Variants in OTOGL observed in about 807,000 individuals in gnomAD.
The protein encoded by OTOGL is otogelin-like protein.
In OTOGL, 285 loss-of-function variants were observed where a neutral mutation model predicts 318.5. The observed-to-expected ratio is 0.89, with a 90% CI of 0.81 to 0.99. OTOGL has a LOEUF of 0.99. Among genes scored for constraint, OTOGL ranks in the 50% least tolerant of loss-of-function variants. OTOGL has a pLI of 0.00. For synonymous variants in OTOGL, 987 were observed against 936.5 expected, an observed-to-expected ratio of 1.05 and a Z score of -0.99; for missense variants, 2,899 against 2,845.6, an observed-to-expected ratio of 1.02 and a Z score of -0.43.
rs1479608974 is a variant in OTOGL at position 80,379,684 on chromosome 12, A to G, written c.*1636A>G. The G allele has an allele frequency of 6.6e-6, 1 of 151,954 alleles. No homozygotes were observed. Among genetic ancestry groups the G allele is most frequent in the African/African-American group, 2.4e-5 (1 of 41,432 alleles). 9.4% of individuals were successfully genotyped at this position (151,954 alleles called of 1,614,324 possible). A position where few individuals can be genotyped will look rare whatever the true frequency, so the allele number is the denominator to read the frequency against. On this transcript the variant is annotated 3_prime_UTR_variant, in exon 59 of 59. Coordinates refer to ENST00000547103, the MANE Select transcript of OTOGL (RefSeq NM_001378609.3). ...AAGTAACTAATGTTGTATATTATCT[A>G]TTGCCCATTTTTATTTCCATTTTCT...
At chr12:80,310,524 A>G (rs745711533) in intron 29 of OTOGL, 87 bp from the exon 30 acceptor site, 21 of 839,902 alleles carry the variant, frequency 2.5e-5, no homozygotes, top group Non-Finnish European at 4.0e-5. Context: ...ATTAGGCGCA[A>G]TTGTAATGAG....
At chr12:80,184,819 G>C (rs1875174541) in intron 1 of OTOGL, among the ~76,000 whole-genome samples, 1 of 152,024 alleles carries the variant, frequency 6.6e-6, no homozygotes, top group Non-Finnish European at 1.5e-5. Context: ...TGACAAAAAG[G>C]GTCAAAAATA....
intron 1 of OTOGL, among the ~76,000 whole-genome samples, chr12:80,199,522 T>C (rs1876313741): frequency 6.6e-6 from 1 of 152,240 alleles, no homozygotes; most frequent in Non-Finnish European, 1.5e-5. Flanking sequence ...CTATTTCTTC[T>C]GCTTATCAAT....
At position 80,193,018 on chromosome 12, in the gene OTOGL, G is replaced by T. The variant is rs372126143; in HGVS notation, c.-19-16395G>T. ...AAAAAAAACCGAATCAGTTGAATTT[G>T]AGAAAATTGTGGAATTTTTTAGCAA... On this transcript the variant is annotated intron_variant, in intron 1 of 58. Transcript: ENST00000547103. Among the ~76,000 whole-genome samples the T allele has an allele frequency of 6.6e-5, 10 of 151,808 alleles. No individual in the cohort carries two copies. In the South Asian group the frequency reaches 8.3e-4, roughly 13 times the overall value.
At chr12:80,284,359 AG>A (rs1331836044) in intron 26 of OTOGL, among the ~76,000 whole-genome samples, 1 of 152,134 alleles carries the variant, frequency 6.6e-6, no homozygotes, top group African/African-American at 2.4e-5. Context: ...GTGTGTTTAT[AG>A]TAGAATAATT....
At position 80,356,881 on chromosome 12, in the gene OTOGL, C is replaced by G; in HGVS notation, c.5986C>G (p.Gln1996Glu). 1 of 1,595,644 alleles carries G rather than the reference C, an allele frequency of 6.3e-7. No individual in the cohort carries two copies. The highest frequency in any genetic ancestry group is 1.4e-5 in the African/African-American group (1 of 74,024). Residue 1996 changes from glutamine to glutamate, a missense_variant, in exon 49 of 59, where the codon CAG becomes GAG. By Grantham distance (29) the Gln-to-Glu change is conservative (BLOSUM62 2). Transcript: ENST00000547103. Reference sequence around the variant, plus strand: ...AGATCAATTCATGATTCAAGTTCGACAGGAAGAACCTTGTTGTTTTTCCCC... The same window carrying G: ...AGATCAATTCATGATTCAAGTTCGAGAGGAAGAACCTTGTTGTTTTTCCCC... ...REDQFMIQVRQEEPCCFSPFC... is the reference protein window; with the variant it reads ...REDQFMIQVREEEPCCFSPFC...
In OTOGL at chr12:80,122,009, A is replaced by G. The variant is rs140060601; in HGVS notation, c.-20+22404A>G. On this transcript the variant is annotated intron_variant, in intron 1 of 58. Coordinates refer to ENST00000547103, the MANE Select transcript of OTOGL (RefSeq NM_001378609.3). The stretch of plus-strand genomic sequence containing the variant: ...AAAGAGATGAGTGCAAAATCATCAT[A>G]TGGCCAATATAAATAATTCAAGCAC... Among the ~76,000 whole-genome samples, 16 of 152,240 alleles carry G rather than the reference A, an allele frequency of 1.1e-4. No individual in the cohort carries two copies. The East Asian group carries it at 3.1e-3, about 29-fold the overall frequency.
chr12:80,247,635 A>G (rs1390134109), intron 11 of OTOGL, among the ~76,000 whole-genome samples: 2 of 68,220 alleles, frequency 2.9e-5, no homozygotes, highest in South Asian at 5.4e-4. Flanking sequence ...AAAAATGTAT[A>G]TTCTGTTGAT....
At chr12:80,173,385 G>GATCACATAA (rs1001939955) in intron 1 of OTOGL, among the ~76,000 whole-genome samples, 1 of 152,108 alleles carries the variant, frequency 6.6e-6, no homozygotes, top group Non-Finnish European at 1.5e-5. Flanking sequence ...CCCTTTTTTA[G>GATCACATAA]ATCACATAGG....
At chr12:80,305,731 A>G in intron 29 of OTOGL, 36 bp downstream of exon 29, 1 of 1,393,092 alleles carries the variant, frequency 7.2e-7, no homozygotes, top group South Asian at 1.7e-5. Flanking sequence ...AGTCAACAAA[A>G]ATTTTTAAGA....
chr12:80,372,644 C>A (rs1191885372), intron 57 of OTOGL, among the ~76,000 whole-genome samples: 2 of 151,516 alleles, frequency 1.3e-5, no homozygotes, highest in Non-Finnish European at 2.9e-5. Context: ...TATCTGAATG[C>A]AATATATTTT....
At chr12:80,127,342 T>C (rs1870918142) in intron 1 of OTOGL, among the ~76,000 whole-genome samples, 1 of 152,268 alleles carries the variant, frequency 6.6e-6, no homozygotes, top group African/African-American at 2.4e-5. Flanking sequence ...TTGCAAATTC[T>C]TTTCTTTAAG....
chr12:80,144,825 CAT>C (rs1872226109), intron 1 of OTOGL, among the ~76,000 whole-genome samples: 2 of 152,220 alleles, frequency 1.3e-5, no homozygotes, highest in South Asian at 4.1e-4. Context: ...AGCATTTTTT[CAT>C]ATGTTTTTTG....
intron 54 of OTOGL, 22 bp from the exon 55 acceptor site, chr12:80,368,183 A>G: frequency 6.7e-7 from 1 of 1,483,352 alleles, no homozygotes; most frequent in Non-Finnish European, 9.3e-7. Context: ...TGGTGTCGCT[A>G]ATCTAATATC....
chr12:80,159,913 T>TA (rs1873389742), intron 1 of OTOGL, among the ~76,000 whole-genome samples: 1 of 151,886 alleles, frequency 6.6e-6, no homozygotes, highest in Non-Finnish European at 1.5e-5. Flanking sequence ...CATAAACCAA[T>TA]GGAATAGAAT....
chr12:80,105,581 G>A (rs1869409080), intron 1 of OTOGL, among the ~76,000 whole-genome samples: 1 of 152,152 alleles, frequency 6.6e-6, no homozygotes, highest in African/African-American at 2.4e-5. Context: ...CCTGAAGAGT[G>A]AAAATTATTG....
chr12:80,104,359 T>G (rs1323905264), intron 1 of OTOGL, among the ~76,000 whole-genome samples: 3 of 152,236 alleles, frequency 2.0e-5, no homozygotes, highest in African/African-American at 7.2e-5. Context: ...CAACCCTTAT[T>G]GCTCATTAGA....
chr12:80,209,299 C>T lies in OTOGL; in HGVS notation c.-19-114C>T. The stretch of plus-strand genomic sequence containing the variant: ...TATGTAGTTGGAAAGCCTGGAATTC[C>T]TTTTTGAATTACTTTATTACATAGC... On this transcript the variant is annotated intron_variant, in intron 1 of 58. Coordinates refer to ENST00000547103, the MANE Select transcript of OTOGL (RefSeq NM_001378609.3). 3 of 547,744 alleles carry T rather than the reference C, an allele frequency of 5.5e-6. No individual in the cohort carries two copies. The East Asian group carries it at 9.6e-5, about 18-fold the overall frequency. The allele number at this position is 547,744 out of a possible 1,614,324, so 33.9% of individuals were successfully genotyped here. A position where few individuals can be genotyped will look rare whatever the true frequency, so the allele number is the denominator to read the frequency against.
At chr12:80,253,222 T>C (rs1181804475) in intron 13 of OTOGL, among the ~76,000 whole-genome samples, 3 of 152,300 alleles carry the variant, frequency 2.0e-5, no homozygotes, top group African/African-American at 4.8e-5. Flanking sequence ...TTATTCTGTA[T>C]GGTGAACCTT....
Sources: allele counts gnomAD v4.1 joint callset (sites outside exome capture counted in the v4.1 genomes callset), GRCh38; gene constraint gnomAD v4.1.1; transcripts MANE v1.5; gene names NCBI Gene and HGNC (gene_info 2026-07-23, HGNC 2026-07-21).